Variants in TREM1 observed in about 807,000 individuals in gnomAD.
TREM1 encodes triggering receptor expressed on monocytes 1.
TREM1 carries 16 observed loss-of-function variants against 22.4 expected under a neutral mutation model. That is an observed-to-expected ratio of 0.71 (90% CI 0.48 to 1.08). TREM1 has a LOEUF of 1.08. Ranked by LOEUF, TREM1 falls within the 50% of genes least tolerant of loss-of-function variation. The probability of loss-of-function intolerance (pLI) is 0.00; values close to 1 mark genes in which losing one functional copy is unlikely to be tolerated. For missense variants in TREM1, 283 were observed against 282.9 expected, an observed-to-expected ratio of 1.00 and a Z score of 0.00; for synonymous variants, 110 against 111.6, an observed-to-expected ratio of 0.99 and a Z score of 0.09.
rs1219533543 is a variant in TREM1 at position 41,274,790 on chromosome 6, C to T, written c.*1335G>A. On this transcript the variant is annotated 3_prime_UTR_variant, in exon 4 of 4. Transcript: ENST00000244709. The stretch of plus-strand genomic sequence containing the variant: ...ATGGAGCAGTCTGGAAGCTGGACCT[C>T]CCCGTGCAGGGAACTTTTTCCACAG... Among the ~76,000 whole-genome samples, 1 of 152,106 alleles carries T rather than the reference C, an allele frequency of 6.6e-6. No individual in the cohort carries two copies. Among genetic ancestry groups the T allele is most frequent in the Non-Finnish European group, 1.5e-5 (1 of 68,032 alleles).
downstream of TREM1, among the ~76,000 whole-genome samples, chr6:41,270,446 A>AT (rs1325572554): frequency 1.4e-5 from 2 of 144,072 alleles, no homozygotes; most frequent in East Asian, 2.0e-4. Flanking sequence ...GATATTATAT[A>AT]ATATATATAT....
downstream of TREM1, among the ~76,000 whole-genome samples, chr6:41,270,459 ATATATATATATATATATATAT>A (rs1392299006): frequency 0.032 from 123 of 3,864 alleles, 1 homozygote; most frequent in Non-Finnish European, 0.086. Context: ...ATATATATAT[ATATATATATATATATATATAT>A]ATCTTAGCAA....
At chr6:41,278,546 A>C (rs1767763152) in intron 3 of TREM1, among the ~76,000 whole-genome samples, 2 of 151,646 alleles carry the variant, frequency 1.3e-5, no homozygotes, top group South Asian at 4.2e-4. Context: ...GGTGGTATGC[A>C]CCTGTGGTCC....
chr6:41,278,200 A>G (rs928747307), intron 3 of TREM1, among the ~76,000 whole-genome samples: 1 of 151,748 alleles, frequency 6.6e-6, no homozygotes, highest in Non-Finnish European at 1.5e-5. Context: ...TGCTGGGATT[A>G]TATGTGTGAG....
At chr6:41,279,464 G>A (rs899917762) in intron 3 of TREM1, 1 of 943,240 alleles carries the variant, frequency 1.1e-6, no homozygotes, top group Non-Finnish European at 1.3e-6. Flanking sequence ...GTAAGAATAT[G>A]GGCAAAGATT....
At chr6:41,277,390 C>T (rs1767714773) in intron 3 of TREM1, among the ~76,000 whole-genome samples, 1 of 152,018 alleles carries the variant, frequency 6.6e-6, no homozygotes, top group African/African-American at 2.4e-5. Flanking sequence ...AGACAGGCAG[C>T]AAGGGGCAGG....
At chr6:41,279,851 G>A (rs1375598783) in intron 3 of TREM1, 3 of 984,468 alleles carry the variant, frequency 3.0e-6, no homozygotes, top group Non-Finnish European at 3.6e-6. Flanking sequence ...TATACAAAAT[G>A]ATATCAGTGT....
rs1333753734 is a variant in TREM1, at chr6:41,282,514, A to C, written c.287T>G (p.Leu96Arg). ...ILEDYHDHGLLRVRMVNLQVE... is the reference protein window; with the variant it reads ...ILEDYHDHGLRRVRMVNLQVE... Reference sequence around the variant, plus strand: ...TTGAAGGTTGACCATTCGGACGCGCAGTAAACCATGATCATGGTAGTCTTC... The same window carrying C: ...TTGAAGGTTGACCATTCGGACGCGCCGTAAACCATGATCATGGTAGTCTTC... The change falls in exon 2 of 4, where the codon CTG (leucine) becomes CGG (arginine). Residue 96 changes from leucine to arginine, a missense_variant. Leu to Arg is a moderately radical substitution (Grantham distance 102). Coordinates refer to ENST00000244709, the MANE Select transcript of TREM1 (RefSeq NM_018643.5). The C allele has an allele frequency of 3.7e-6, 6 of 1,614,222 alleles. No homozygotes were observed. The highest frequency in any genetic ancestry group is 1.6e-4 in the Middle Eastern group (1 of 6,062).
chr6:41,277,743 A>T (rs1217120073), intron 3 of TREM1, among the ~76,000 whole-genome samples: 1 of 151,962 alleles, frequency 6.6e-6, no homozygotes, highest in African/African-American at 2.4e-5. Flanking sequence ...GACAACTCCA[A>T]ATGTGACCCA....
rs371917509 is a variant in TREM1, at chr6:41,283,198, C to A, written c.50-447G>T. On this transcript the variant is annotated intron_variant, in intron 1 of 3. Transcript: ENST00000244709. ...ACACCTTGAGGAACTTCATCTAAGT[C>A]AGGGCAAGGAGATCAGCTCAAAAGA... Among the ~76,000 whole-genome samples, 250 of 152,318 alleles carry A rather than the reference C, an allele frequency of 1.6e-3. 2 individuals are homozygous for A. The highest frequency in any genetic ancestry group is 5.8e-3 in the African/African-American group (240 of 41,576).
intron 1 of TREM1, among the ~76,000 whole-genome samples, chr6:41,283,168 C>T (rs1475609338): frequency 1.3e-5 from 2 of 152,162 alleles, no homozygotes; most frequent in Non-Finnish European, 2.9e-5. Context: ...AGAGTGGCTC[C>T]AAGGACACCT....
intron 3 of TREM1, chr6:41,280,327 A>G: frequency 3.0e-6 from 3 of 985,234 alleles, no homozygotes; most frequent in South Asian, 9.3e-5. Flanking sequence ...ACACATTAGA[A>G]ATCTCCTAAA....
chr6:41,269,254 T>C (rs1467063609), downstream of TREM1, among the ~76,000 whole-genome samples: 1 of 152,120 alleles, frequency 6.6e-6, no homozygotes. Context: ...TGGCAGTGTT[T>C]CCACCAATGA....
chr6:41,283,695 G>A (rs1328052453), intron 1 of TREM1, among the ~76,000 whole-genome samples: 2 of 147,144 alleles, frequency 1.4e-5, no homozygotes, highest in Non-Finnish European at 3.0e-5. Flanking sequence ...CTGGGCCACA[G>A]GGCAAGACTC....
intron 1 of TREM1, among the ~76,000 whole-genome samples, chr6:41,283,933 G>A (rs1035914566): frequency 3.3e-5 from 5 of 152,130 alleles, no homozygotes; most frequent in Admixed American, 1.3e-4. Flanking sequence ...TAGGCTGCCC[G>A]AGAATGGCTA....
At chr6:41,281,387 G>A in intron 2 of TREM1, 2 of 516,862 alleles carry the variant, frequency 3.9e-6, no homozygotes, top group South Asian at 3.0e-5. Flanking sequence ...TCGAAAAAAG[G>A]AAAGAAGAAA....
rs181270429 is a variant in TREM1, at chr6:41,284,014, A to T, written c.50-1263T>A. Among the ~76,000 whole-genome samples, 16 of 152,056 alleles carry T rather than the reference A, an allele frequency of 1.1e-4. No individual in the cohort carries two copies. The East Asian group carries it at 3.1e-3, about 30-fold the overall frequency. On this transcript the variant is annotated intron_variant, in intron 1 of 3. Transcript: ENST00000244709. ...GGGGAGAGAAAGAAAGAGAGAAAAA[A>T]ACCCACGTTATCTGAGTCATGGACT...
chr6:41,270,431 TATATG>T (rs1164817246), downstream of TREM1, among the ~76,000 whole-genome samples: 5 of 116,680 alleles, frequency 4.3e-5, no homozygotes, highest in African/African-American at 1.9e-4. Flanking sequence ...TTTGCACATA[TATATG>T]ATATTATATA....
In TREM1 at chr6:41,276,123, G is replaced by A; in HGVS notation, c.*2C>T. 6.2e-7 allele frequency: 1 copy of A among 1,613,166 alleles called. No individual in the cohort carries two copies. Among genetic ancestry groups the A allele is most frequent in the Non-Finnish European group, 8.5e-7 (1 of 1,179,144 alleles). Reference sequence around the variant, plus strand: ...AGAGGACATTCTCGTGGGTTCGTGGGCCTAGGGTACAAATGACCTCAGCGT... The same window carrying A: ...AGAGGACATTCTCGTGGGTTCGTGGACCTAGGGTACAAATGACCTCAGCGT... On this transcript the variant is annotated 3_prime_UTR_variant, in exon 4 of 4. Transcript: ENST00000244709.
Sources: allele counts gnomAD v4.1 joint callset (sites outside exome capture counted in the v4.1 genomes callset), GRCh38; gene constraint gnomAD v4.1.1; transcripts MANE v1.5; gene names NCBI Gene and HGNC (gene_info 2026-07-23, HGNC 2026-07-21).